DAB1: variants seen among roughly 807,000 people sequenced by gnomAD.
DAB1 encodes DAB adaptor protein 1.
DAB1 carries 15 observed loss-of-function variants against 64.6 expected under a neutral mutation model. The ratio of observed to expected loss-of-function variants is 0.23; its 90% CI spans 0.16 to 0.36. The LOEUF (loss-of-function observed/expected upper bound fraction) is 0.36. DAB1 is among the 10% of genes least tolerant of loss of function. DAB1 has a pLI of 1.00. For missense variants in DAB1, 596 were observed against 706.7 expected (o/e 0.84, Z 1.78); for synonymous variants, 235 against 251.9 (o/e 0.93, Z 0.64).
intron 5 of DAB1, among the ~76,000 whole-genome samples, chr1:57,946,365 C>T (rs1645183894): frequency 3.9e-5 from 6 of 152,140 alleles, no homozygotes; most frequent in Admixed American, 3.9e-4. Flanking sequence ...GTCATGGTGC[C>T]CAAACCCCTG....
chr1:57,378,737 GAGA>G (rs1347139214), intron 1 of DAB1, among the ~76,000 whole-genome samples: 1 of 152,158 alleles, frequency 6.6e-6, no homozygotes, highest in Non-Finnish European at 1.5e-5. Context: ...ATGCATTAGG[GAGA>G]AGAAGGAGTC....
chr1:57,643,673 A>C (rs930206509), intron 7 of DAB1, among the ~76,000 whole-genome samples: 1 of 152,216 alleles, frequency 6.6e-6, no homozygotes, highest in Admixed American at 6.5e-5. Context: ...AATAGTATAC[A>C]AATTTAGGTT....
chr1:57,052,847 T>G (rs1490304032), intron 9 of DAB1, among the ~76,000 whole-genome samples: 3 of 152,220 alleles, frequency 2.0e-5, no homozygotes, highest in Non-Finnish European at 4.4e-5. Context: ...TCCTTTCCCC[T>G]GAAAATCAGC....
At chr1:57,476,736 T>C (rs1255791281) in intron 7 of DAB1, among the ~76,000 whole-genome samples, 1 of 152,090 alleles carries the variant, frequency 6.6e-6, no homozygotes, top group Admixed American at 6.5e-5. Context: ...AATTGCAACA[T>C]GGTATAAAAA....
intron 7 of DAB1, among the ~76,000 whole-genome samples, chr1:57,443,666 A>T (rs1686033503): frequency 6.6e-6 from 1 of 152,184 alleles, no homozygotes; most frequent in Non-Finnish European, 1.5e-5. Flanking sequence ...CCTCCAACAG[A>T]CTAGAACGCA....
At chr1:58,026,675 A>C (rs1646900077) in intron 5 of DAB1, among the ~76,000 whole-genome samples, 1 of 152,166 alleles carries the variant, frequency 6.6e-6, no homozygotes, top group Non-Finnish European at 1.5e-5. Flanking sequence ...CCATTTCTGA[A>C]GGGCATCCAT....
At chr1:58,114,420 T>C (rs1369054793) in intron 5 of DAB1, among the ~76,000 whole-genome samples, 2 of 152,178 alleles carry the variant, frequency 1.3e-5, no homozygotes, top group Non-Finnish European at 2.9e-5. Flanking sequence ...CAATGACCCT[T>C]TGGATAACAT....
chr1:57,015,523 G>C, intron 11 of DAB1, 92 bp from the exon 12 acceptor site: 1 of 1,187,640 alleles, frequency 8.4e-7, no homozygotes, highest in Non-Finnish European at 1.2e-6. Flanking sequence ...AATGTATCAA[G>C]CACCAACTAA....
chr1:57,254,308 G>C (rs905860527), intron 2 of DAB1, among the ~76,000 whole-genome samples: 1 of 152,342 alleles, frequency 6.6e-6, no homozygotes, highest in Non-Finnish European at 1.5e-5. Context: ...GGACAACCCA[G>C]TGTCACCAGG....
At chr1:57,340,504 G>T (rs1677483130) in intron 1 of DAB1, among the ~76,000 whole-genome samples, 1 of 152,212 alleles carries the variant, frequency 6.6e-6, no homozygotes, top group South Asian at 2.1e-4. Context: ...GCAGCCATCT[G>T]TATTGATTTG....
chr1:57,010,649 G>A (rs568313303), intron 14 of DAB1, 31 bp downstream of exon 14: 2 of 1,248,544 alleles, frequency 1.6e-6, no homozygotes, highest in Non-Finnish European at 1.1e-6. Context: ...ATAGCTTAAG[G>A]GTAAAGGAGA....
At chr1:57,158,469 A>G (rs897863667) in intron 2 of DAB1, among the ~76,000 whole-genome samples, 1 of 152,192 alleles carries the variant, frequency 6.6e-6, no homozygotes, top group African/African-American at 2.4e-5. Flanking sequence ...CCTGATGATA[A>G]GAAAATTTCG....
chr1:57,259,576 C>T (rs770535839), intron 2 of DAB1, among the ~76,000 whole-genome samples: 1 of 152,156 alleles, frequency 6.6e-6, no homozygotes, highest in Non-Finnish European at 1.5e-5. Context: ...TGAGGCCCTG[C>T]TGATTCCTAG....
At chr1:58,171,522 TG>T (rs1188188799) in intron 4 of DAB1, among the ~76,000 whole-genome samples, 1 of 152,216 alleles carries the variant, frequency 6.6e-6, no homozygotes, top group Non-Finnish European at 1.5e-5. Flanking sequence ...CCCTATACCC[TG>T]CTCTCTCAAA....
rs550677633 is a variant in DAB1, at chr1:58,199,810, C to G, written n.310-49222G>C. 1.5e-4 allele frequency among the ~76,000 whole-genome samples: 23 copies of G among 152,290 alleles called. No homozygotes were observed. In the East Asian group the frequency reaches 4.4e-3, roughly 29 times the overall value. ...GGCTTCACACCACCAAATATTATTT[C>G]TTGTTCATGTCTCACAATAGAATGC... is the stretch of plus-strand genomic sequence containing the variant. On this transcript the variant is annotated intron_variant and non_coding_transcript_variant, in intron 4 of 20. Coordinates refer to the DAB1 transcript ENST00000485760.
intron 4 of DAB1, among the ~76,000 whole-genome samples, chr1:58,330,227 G>A (rs1162406446): frequency 6.6e-6 from 1 of 152,198 alleles, no homozygotes; most frequent in Non-Finnish European, 1.5e-5. Context: ...GATCAAACAA[G>A]CCACAATATT....
At chr1:58,275,452 T>C (rs1235364196) in intron 4 of DAB1, among the ~76,000 whole-genome samples, 2 of 152,100 alleles carry the variant, frequency 1.3e-5, no homozygotes, top group Admixed American at 6.5e-5. Flanking sequence ...ATATTCAGAA[T>C]ATATAAAGAA....
At chr1:57,344,451 T>C (rs1196087808) in intron 1 of DAB1, among the ~76,000 whole-genome samples, 1 of 152,050 alleles carries the variant, frequency 6.6e-6, no homozygotes, top group Non-Finnish European at 1.5e-5. Flanking sequence ...TGAAAGCTAA[T>C]TTAAAAACTT....
At chr1:58,229,359 A>G (rs192778830) in intron 4 of DAB1, among the ~76,000 whole-genome samples, 1 of 152,178 alleles carries the variant, frequency 6.6e-6, no homozygotes, top group Non-Finnish European at 1.5e-5. Context: ...AGGCAAATAC[A>G]CTTAGAAGCA....
Sources: gnomAD v4.1 joint callset for allele counts (sites outside exome capture counted in the v4.1 genomes callset) on GRCh38, gnomAD v4.1.1 for gene constraint, MANE v1.5 for transcripts, NCBI Gene and HGNC (gene_info 2026-07-23, HGNC 2026-07-21) for gene names.